Variants in RPH3AL observed in about 807,000 individuals in gnomAD.
RPH3AL encodes the protein rab effector Noc2.
RPH3AL carries 38 observed loss-of-function variants against 43.1 expected under a neutral mutation model. That is an observed-to-expected ratio of 0.88 (90% confidence interval 0.68 to 1.15). The LOEUF is 1.15. RPH3AL is among the 50% of genes most tolerant of loss of function. The pLI is 0.00. For missense variants in RPH3AL, 462 were observed against 423.2 expected (o/e 1.09, Z -0.81); for synonymous variants, 189 against 176.3 (o/e 1.07, Z -0.57).
intron 6 of RPH3AL, among the ~76,000 whole-genome samples, chr17:260,346 TC>T (rs2042169078): frequency 6.6e-6 from 1 of 152,164 alleles, no homozygotes; most frequent in Admixed American, 6.5e-5. Flanking sequence ...GAGCTCAGAC[TC>T]GCCCACCTTC....
chr17:275,105 A>G (rs1207737191), intron 6 of RPH3AL, among the ~76,000 whole-genome samples: 1 of 152,126 alleles, frequency 6.6e-6, no homozygotes, highest in African/African-American at 2.4e-5. Flanking sequence ...GAATTACCCA[A>G]TAGAGTTGAA....
intron 6 of RPH3AL, among the ~76,000 whole-genome samples, chr17:248,005 C>A (rs1179225204): frequency 6.6e-6 from 1 of 151,922 alleles, no homozygotes; most frequent in East Asian, 1.9e-4. Flanking sequence ...CCTGCAGGCA[C>A]CTCACCCAGC....
chr17:344,009 A>T lies in RPH3AL; in HGVS notation c.-213+8703T>A, dbSNP rs188198157. On this transcript the variant is annotated intron_variant, in intron 1 of 9. Coordinates refer to ENST00000331302, the MANE Select transcript of RPH3AL (RefSeq NM_006987.4). ...CACCATCACTGTCATCTCTGTCATC[A>T]CCACCATCATCACTATCATCACCCC... Among the ~76,000 whole-genome samples, 281 of 98,442 alleles carry T rather than the reference A, an allele frequency of 2.9e-3. 30 individuals carry two copies. Among genetic ancestry groups the T allele is most frequent in the African/African-American group, 8.1e-3 (272 of 33,644 alleles). The allele number at this position is 98,442 out of a possible 152,430, so 64.6% of individuals were successfully genotyped here.
At chr17:259,287 A>T (rs915879993) in intron 6 of RPH3AL, among the ~76,000 whole-genome samples, 1 of 152,188 alleles carries the variant, frequency 6.6e-6, no homozygotes, top group Non-Finnish European at 1.5e-5. Context: ...ACCCATGCAG[A>T]TGTGCATAAA....
intron 2 of RPH3AL, among the ~76,000 whole-genome samples, chr17:330,035 C>T (rs973154522): frequency 2.6e-5 from 4 of 152,216 alleles, no homozygotes; most frequent in African/African-American, 9.7e-5. Flanking sequence ...ACACTTTTGA[C>T]CTGTGGATCT....
intron 5 of RPH3AL, among the ~76,000 whole-genome samples, chr17:315,224 GC>G (rs66980816): frequency 0.033 from 27 of 814 alleles, 2 homozygotes; most frequent in East Asian, 0.062. Context: ...TAGTCTCTGT[GC>G]CCCCACCTTC....
chr17:348,003 C>CAA (rs58119082), intron 1 of RPH3AL, among the ~76,000 whole-genome samples: 37 of 138,158 alleles, frequency 2.7e-4, no homozygotes, highest in South Asian at 2.3e-3. Flanking sequence ...CCATCTCTAC[C>CAA]AAAAAAAAAA....
In RPH3AL at chr17:213,647, A is replaced by T. The variant is rs759471985; in HGVS notation, c.*205T>A. ...GTCGGGGGCTGAGGGCAGTGGTTGG[A>T]GGGGGTGGCGGATGCAGACAGCTCC... On this transcript the variant is annotated 3_prime_UTR_variant, in exon 10 of 10. Transcript: ENST00000331302. 8 of 603,106 alleles carry T rather than the reference A, an allele frequency of 1.3e-5. No homozygotes were observed. The highest frequency in any genetic ancestry group is 2.1e-5 in the Non-Finnish European group (7 of 336,096). 37.4% of individuals were successfully genotyped at this position (603,106 alleles called of 1,614,324 possible).
intron 9 of RPH3AL, chr17:214,855 A>G (rs1426777799): frequency 2.6e-5 from 4 of 151,978 alleles, no homozygotes; most frequent in African/African-American, 7.3e-5. Context: ...CTGGGACAAG[A>G]ACTCGGGGCT....
chr17:216,774 A>G (rs1176320988), intron 8 of RPH3AL, among the ~76,000 whole-genome samples: 2 of 152,176 alleles, frequency 1.3e-5, no homozygotes, highest in East Asian at 3.9e-4. Context: ...TTGGCCACTT[A>G]GAAAACTGCA....
intron 6 of RPH3AL, among the ~76,000 whole-genome samples, chr17:262,197 C>T (rs782348150): frequency 8.6e-5 from 13 of 152,040 alleles, no homozygotes; most frequent in South Asian, 2.1e-4. Flanking sequence ...TCCTCACATA[C>T]GTTTGAGCCT....
chr17:336,484 G>T (rs575950198), intron 1 of RPH3AL, among the ~76,000 whole-genome samples: 1 of 152,098 alleles, frequency 6.6e-6, no homozygotes, highest in African/African-American at 2.4e-5. Flanking sequence ...ACCCTGCCAG[G>T]TCTGCCTGCT....
chr17:337,399 C>G (rs912751374), intron 1 of RPH3AL, among the ~76,000 whole-genome samples: 2 of 152,222 alleles, frequency 1.3e-5, no homozygotes, highest in African/African-American at 4.8e-5. Flanking sequence ...CGACACCCAG[C>G]CTGCCAACAA....
intron 5 of RPH3AL, among the ~76,000 whole-genome samples, chr17:317,607 T>G (rs2151692493): frequency 1.3e-5 from 2 of 152,208 alleles, no homozygotes; most frequent in South Asian, 4.1e-4. Context: ...CCGCACAGTC[T>G]TACACCCAGG....
At chr17:237,904 T>G (rs2041437308) in intron 7 of RPH3AL, among the ~76,000 whole-genome samples, 1 of 151,986 alleles carries the variant, frequency 6.6e-6, no homozygotes, top group Non-Finnish European at 1.5e-5. Flanking sequence ...TACCAGAATT[T>G]TGGGAGGCTG....
intron 6 of RPH3AL, among the ~76,000 whole-genome samples, chr17:266,084 A>C (rs782490622): frequency 4.6e-5 from 7 of 152,370 alleles, no homozygotes; most frequent in Non-Finnish European, 8.8e-5. Context: ...CATCTGGTCC[A>C]ATCCCTTCTG....
chr17:241,717 TTTTC>T (rs1209817520), intron 7 of RPH3AL, among the ~76,000 whole-genome samples: 10 of 98,818 alleles, frequency 1.0e-4, no homozygotes, highest in Non-Finnish European at 1.9e-4. Context: ...TTTTCTTTTT[TTTTC>T]TTTTTTTTTT....
intron 3 of RPH3AL, among the ~76,000 whole-genome samples, chr17:324,482 C>T (rs954099100): frequency 8.5e-5 from 13 of 152,282 alleles, no homozygotes; most frequent in East Asian, 1.9e-4. Flanking sequence ...AGAACCTGCA[C>T]GTCTGGGAGC....
chr17:238,474 C>T (rs369382885), intron 7 of RPH3AL, among the ~76,000 whole-genome samples: 1 of 152,224 alleles, frequency 6.6e-6, no homozygotes, highest in Non-Finnish European at 1.5e-5. Flanking sequence ...CAGAGAACAA[C>T]GTCCACCTGA....
Sources: allele counts gnomAD v4.1 joint callset (sites outside exome capture counted in the v4.1 genomes callset), GRCh38; gene constraint gnomAD v4.1.1; transcripts MANE v1.5; gene names NCBI Gene and HGNC (gene_info 2026-07-23, HGNC 2026-07-21).